The following RBFOX1 variants were observed in gnomAD, a reference collection of about 807,000 sequenced individuals.
RBFOX1 encodes RNA binding fox-1 homolog 1.
RBFOX1 carries 8 observed loss-of-function variants against 57.7 expected under a neutral mutation model. The ratio of observed to expected loss-of-function variants is 0.14; its 90% CI spans 0.08 to 0.25. The LOEUF (loss-of-function observed/expected upper bound fraction) is 0.25, where lower values mean the gene tolerates loss of function less well. RBFOX1 is among the 10% of genes least tolerant of loss of function. The pLI, the probability that RBFOX1 is intolerant of heterozygous loss-of-function variation, is 1.00. For missense variants in RBFOX1, 611 were observed against 548.5 expected (o/e 1.11, Z -1.14); for synonymous variants, 326 against 222.4 (o/e 1.47, Z -4.15).
intron 4 of RBFOX1, among the ~76,000 whole-genome samples, chr16:6,009,748 A>G (rs1221481081): frequency 1.3e-5 from 2 of 151,598 alleles, no homozygotes; most frequent in Non-Finnish European, 2.9e-5. Context: ...GACAAAATGC[A>G]CTGATATTCC....
chr16:6,241,210 C>T (rs150259179), intron 1 of RBFOX1, among the ~76,000 whole-genome samples: 2 of 152,254 alleles, frequency 1.3e-5, no homozygotes, highest in African/African-American at 4.8e-5. Context: ...CCCGTTCAGA[C>T]GGGGCACTAT....
chr16:7,243,628 G>A (rs1481355217), intron 4 of RBFOX1, among the ~76,000 whole-genome samples: 4 of 152,082 alleles, frequency 2.6e-5, no homozygotes, highest in African/African-American at 9.7e-5. Flanking sequence ...GCTCACTATA[G>A]CCTCAAATTC....
At chr16:7,144,823 A>G (rs1159824299) in intron 4 of RBFOX1, among the ~76,000 whole-genome samples, 1 of 152,178 alleles carries the variant, frequency 6.6e-6, no homozygotes, top group African/African-American at 2.4e-5. Context: ...AAGAGTCTTT[A>G]TGGCCCGAGA....
intron 1 of RBFOX1, among the ~76,000 whole-genome samples, chr16:5,295,091 G>C (rs1351012986): frequency 6.8e-6 from 1 of 147,896 alleles, no homozygotes; most frequent in African/African-American, 2.5e-5. Context: ...AAACAAGAAA[G>C]CTCACGATGT....
chr16:6,282,607 A>G (rs548719636), intron 1 of RBFOX1, among the ~76,000 whole-genome samples: 18 of 152,014 alleles, frequency 1.2e-4, no homozygotes, highest in Admixed American at 3.9e-4. Context: ...TTATTGTTCA[A>G]TTCCCACTTA....
intron 2 of RBFOX1, among the ~76,000 whole-genome samples, chr16:6,558,258 A>G (rs959508138): frequency 1.3e-5 from 2 of 152,092 alleles, no homozygotes; most frequent in Non-Finnish European, 2.9e-5. Context: ...TCCCATTGTT[A>G]GAGGCAATCA....
At chr16:5,939,301 A>G (rs566593252) in intron 4 of RBFOX1, among the ~76,000 whole-genome samples, 1 of 152,364 alleles carries the variant, frequency 6.6e-6, no homozygotes, top group East Asian at 1.9e-4. Flanking sequence ...TTAGATTAAA[A>G]CAACGGATAG....
intron 1 of RBFOX1, among the ~76,000 whole-genome samples, chr16:5,450,696 C>G (rs1033497131): frequency 1.3e-5 from 2 of 152,158 alleles, no homozygotes; most frequent in African/African-American, 4.8e-5. Context: ...GCCACCACCA[C>G]CGCTCCGTGC....
intron 2 of RBFOX1, among the ~76,000 whole-genome samples, chr16:6,556,833 C>T (rs1030093366): frequency 6.6e-6 from 1 of 151,908 alleles, no homozygotes; most frequent in African/African-American, 2.4e-5. Flanking sequence ...TTTGACCCTT[C>T]TTTGCTACCA....
intron 7 of RBFOX1, among the ~76,000 whole-genome samples, chr16:7,590,756 G>T (rs1428104059): frequency 2.0e-5 from 3 of 151,684 alleles, no homozygotes; most frequent in East Asian, 3.9e-4. Flanking sequence ...CTACTCGGGA[G>T]GCTGAGGCAG....
At chr16:7,302,633 C>CA (rs562030708) in intron 4 of RBFOX1, among the ~76,000 whole-genome samples, 5,767 of 113,882 alleles carry the variant, frequency 0.051, 213 homozygotes, top group African/African-American at 0.15. Context: ...GGTCTGAAAA[C>CA]AAAAAAAAAA....
In RBFOX1 at chr16:6,775,205, G is replaced by C. The variant is rs549942271; in HGVS notation, c.-16+120555G>C. Among the ~76,000 whole-genome samples the C allele has an allele frequency of 3.3e-5, 5 of 150,458 alleles. No homozygotes were observed. The East Asian group carries it at 9.8e-4, about 29-fold the overall frequency. On this transcript the variant is annotated intron_variant, in intron 3 of 15. Transcript: ENST00000550418. ...AAAAAAAGTTAGCCTGGTGTGGTTC[G>C]GACGCCTGTAGTCCCAGCTACTCGG...
chr16:6,430,968 A>G (rs1003120967), intron 2 of RBFOX1, among the ~76,000 whole-genome samples: 3 of 70,236 alleles, frequency 4.3e-5, no homozygotes, highest in African/African-American at 1.6e-4. Flanking sequence ...TCATCTCCAG[A>G]AAAAAAAAAA....
chr16:6,293,819 T>G lies in RBFOX1; in HGVS notation c.-126-23176T>G, dbSNP rs146404251. Among the ~76,000 whole-genome samples, 382 of 106,130 alleles carry G rather than the reference T, an allele frequency of 3.6e-3. 1 individual carries two copies. The highest frequency in any genetic ancestry group is 6.1e-3 in the Non-Finnish European group (287 of 47,058). The allele number at this position is 106,130 out of a possible 152,430, so 69.6% of individuals were successfully genotyped here. ...TTCCAGTCCAAGGAAGTGGGATGAA[T>G]AAAACCTCAAATACACTCTCTTCAT... On this transcript the variant is annotated intron_variant, in intron 1 of 15. Transcript: ENST00000550418.
chr16:7,140,794 C>G (rs1463406567), intron 4 of RBFOX1, among the ~76,000 whole-genome samples: 1 of 152,032 alleles, frequency 6.6e-6, no homozygotes, highest in African/African-American at 2.4e-5. Flanking sequence ...CAGGATGTTT[C>G]CTTGGTATGC....
At chr16:6,900,932 T>A (rs1466590395) in intron 3 of RBFOX1, among the ~76,000 whole-genome samples, 1 of 152,210 alleles carries the variant, frequency 6.6e-6, no homozygotes, top group African/African-American at 2.4e-5. Context: ...TAAATGCTAA[T>A]GAAAACATTT....
rs1051659039 is a variant in RBFOX1 at position 5,673,415 on chromosome 16, G to C, written c.318+74454G>C. ...CTCTCAGAGGGAACCCATCCTGAAG[G>C]CTCTGTCCAGAACTACTTCTGTGGA... On this transcript the variant is annotated intron_variant, in intron 3 of 19. Coordinates refer to the RBFOX1 transcript ENST00000641259. Among the ~76,000 whole-genome samples the C allele has an allele frequency of 2.6e-5, 4 of 151,610 alleles. No individual in the cohort carries two copies. The South Asian group carries it at 8.3e-4, about 31-fold the overall frequency.
chr16:6,387,533 C>T (rs914813665), intron 2 of RBFOX1, among the ~76,000 whole-genome samples: 60 of 151,120 alleles, frequency 4.0e-4, no homozygotes, highest in Middle Eastern at 3.2e-3. Context: ...TTAGCGTCAA[C>T]TTAAATTCAA....
intron 2 of RBFOX1, among the ~76,000 whole-genome samples, chr16:6,595,216 C>T (rs9930433): frequency 0.76 from 115,308 of 152,040 alleles, 46,825 homozygotes; most frequent in Non-Finnish European, 0.92. Flanking sequence ...CCCTGTACAC[C>T]CTTACCCCAC....
Sources: gnomAD v4.1 joint callset for allele counts (sites outside exome capture counted in the v4.1 genomes callset) on GRCh38, gnomAD v4.1.1 for gene constraint, MANE v1.5 for transcripts, NCBI Gene and HGNC (gene_info 2026-07-23, HGNC 2026-07-21) for gene names.